Variants in MYOM3 observed in about 807,000 individuals in gnomAD.
The protein encoded by MYOM3 is myomesin-3.
In MYOM3, 155 loss-of-function variants were observed where a neutral mutation model predicts 191.7. The ratio of observed to expected loss-of-function variants is 0.81; its 90% confidence interval spans 0.71 to 0.92. The LOEUF (loss-of-function observed/expected upper bound fraction) is 0.92. Among genes scored for constraint, MYOM3 ranks in the 40% least tolerant of loss-of-function variants. The pLI is 0.00. For synonymous variants in MYOM3, 757 were observed against 762.9 expected, an observed-to-expected ratio of 0.99 and a Z score of 0.13; for missense variants, 1,889 against 1,890.6, an observed-to-expected ratio of 1.00 and a Z score of 0.02.
chr1:24,098,744 G>A (rs1198049734), intron 6 of MYOM3, among the ~76,000 whole-genome samples: 3 of 152,180 alleles, frequency 2.0e-5, no homozygotes, highest in African/African-American at 7.2e-5. Flanking sequence ...GAGTCCATGG[G>A]GCACCTCCCT....
At chr1:24,105,218 A>G (rs1488887721) in intron 5 of MYOM3, among the ~76,000 whole-genome samples, 1 of 152,124 alleles carries the variant, frequency 6.6e-6, no homozygotes, top group Non-Finnish European at 1.5e-5. Flanking sequence ...TTAAATTCTC[A>G]TCACATGCAG....
At chr1:24,108,381 G>T in intron 2 of MYOM3, 95 bp downstream of exon 2, 3 of 1,316,688 alleles carry the variant, frequency 2.3e-6, no homozygotes, top group African/African-American at 1.5e-5. Flanking sequence ...CCCCCATCAG[G>T]TTGGAGCCTC....
intron 5 of MYOM3, among the ~76,000 whole-genome samples, chr1:24,101,130 T>C (rs1481538834): frequency 6.6e-6 from 1 of 152,050 alleles, no homozygotes; most frequent in East Asian, 1.9e-4. Context: ...GATGACACCC[T>C]TTGCCCCCTT....
chr1:24,067,071 G>A lies in MYOM3; in HGVS notation c.3373C>T (p.Pro1125Ser). 1 of 1,578,380 alleles carries A rather than the reference G, an allele frequency of 6.3e-7. No homozygotes were observed. The highest frequency in any genetic ancestry group is 1.8e-5 in the Admixed American group (1 of 56,120). ...TCCTCCGTGACCTTCCACTGCAACG[G>A]CCGCTCAAAATAGGGACCTGTGCGT... ...KRKQGPYFER[P>S]LQWKVTEDCQ... Residue 1125 changes from proline (P) to serine (S), a missense_variant, in exon 28 of 37, where the codon CCG (proline) becomes TCG (serine). Pro to Ser is a moderately conservative substitution (Grantham distance 74). Transcript: ENST00000374434.
intron 12 of MYOM3, among the ~76,000 whole-genome samples, 188 bp downstream of exon 12, chr1:24,090,609 C>T (rs559019031): frequency 2.6e-4 from 39 of 152,124 alleles, no homozygotes; most frequent in Non-Finnish European, 5.4e-4. Context: ...TGTGTCTCCT[C>T]CATCAGACTG....
At chr1:24,107,434 T>C (rs1421812968) in intron 3 of MYOM3, among the ~76,000 whole-genome samples, 1 of 152,244 alleles carries the variant, frequency 6.6e-6, no homozygotes, top group South Asian at 2.1e-4. Flanking sequence ...ACTGTTTTCA[T>C]TGTTTTCAAG....
At chr1:24,097,816 C>T in intron 7 of MYOM3, 107 bp downstream of exon 7, 1 of 818,476 alleles carries the variant, frequency 1.2e-6, no homozygotes, top group Non-Finnish European at 2.2e-6. Context: ...GGCTGAACAG[C>T]CTTGTGCCTA....
At chr1:24,084,807 G>A (rs551171927) in intron 15 of MYOM3, among the ~76,000 whole-genome samples, 168 bp from the exon 16 acceptor site, 1 of 152,074 alleles carries the variant, frequency 6.6e-6, no homozygotes, top group South Asian at 2.1e-4. Context: ...AGGCCCAGAA[G>A]TGTATCCTAA....
Position 24,089,551 on chromosome 1 carries a change from T to TA in MYOM3, c.1600dup (p.Tyr534LeufsTer10). ...GGGGTTCCCTACCTTCTCCAGGGAG[T>TA]ACGTCAGTGGTGCTCTGTCCCGGGG... On this transcript the variant is annotated frameshift_variant, in exon 14 of 37. Transcript: ENST00000374434. LOFTEE classifies it high-confidence loss of function. The TA allele has an allele frequency of 6.2e-7, 1 of 1,600,090 alleles. No individual in the cohort carries two copies.
At chr1:24,065,809 T>C in intron 29 of MYOM3, 82 bp downstream of exon 29, 1 of 1,080,072 alleles carries the variant, frequency 9.3e-7, no homozygotes, top group Non-Finnish European at 1.4e-6. Flanking sequence ...GGCCCTGCCC[T>C]GACTCCCAGC....
Position 24,067,050 on chromosome 1 carries a change from C to T in MYOM3, c.3394G>A (p.Glu1132Lys). 1 of 1,578,276 alleles carries T rather than the reference C, an allele frequency of 6.3e-7. No homozygotes were observed. The highest frequency in any genetic ancestry group is 2.3e-5 in the East Asian group (1 of 43,210). Residue 1132 changes from glutamate (E) to lysine (K), a missense_variant, in exon 28 of 37, where the codon GAG (glutamate) becomes AAG (lysine). Glu to Lys is a moderately conservative substitution (Grantham distance 56). Transcript: ENST00000374434. ...FERPLQWKVT[E>K]DCQVQLTCKV... ...CACGTCAGCTGCACTTGGCAGTCCT[C>T]CGTGACCTTCCACTGCAACGGCCGC...
chr1:24,070,983 G>T, intron 25 of MYOM3, 134 bp downstream of exon 25: 1 of 1,176,460 alleles, frequency 8.5e-7, no homozygotes, highest in Non-Finnish European at 1.2e-6. Context: ...CCTCATCACT[G>T]CAACAGCAAA....
intron 27 of MYOM3, 79 bp downstream of exon 27, chr1:24,067,891 T>A: frequency 8.5e-6 from 12 of 1,417,708 alleles, no homozygotes; most frequent in Non-Finnish European, 1.2e-5. Flanking sequence ...AGGGCTGGGG[T>A]TCCCATTAAT....
chr1:24,081,943 C>T (rs1471930084), intron 18 of MYOM3, 58 bp downstream of exon 18: 18 of 1,473,874 alleles, frequency 1.2e-5, no homozygotes, highest in Non-Finnish European at 1.6e-5. Flanking sequence ...TCAAGCAGTG[C>T]CCTCTGGTCG....
rs770919641 is a variant in MYOM3 at position 24,061,974 on chromosome 1, C to T, written c.3906G>A (p.Arg1302=). The change falls in exon 33 of 37, where the codon CGG becomes CGA. Residue 1302 remains arginine, a synonymous_variant. Transcript: ENST00000374434. ...TLEIAAGKEV[R]QLSTDLSGQA... is the part of the protein sequence containing the mutation. ...GCCCTGAGAGATCTGTTGAGAGCTG[C>T]CGGACTTCCTTCCCTGCAGCTATTT... 1 of 1,614,204 alleles carries T rather than the reference C, an allele frequency of 6.2e-7. No individual in the cohort carries two copies. The highest frequency in any genetic ancestry group is 8.5e-7 in the Non-Finnish European group (1 of 1,180,030).
At chr1:24,106,361 G>C (rs554427165) in intron 4 of MYOM3, among the ~76,000 whole-genome samples, 6 of 152,162 alleles carry the variant, frequency 3.9e-5, no homozygotes, top group Non-Finnish European at 8.8e-5. Flanking sequence ...ACCCACTGTG[G>C]GGGTGTGGGG....
At chr1:24,078,641 CTTCCCCTT>C (rs1350123659) in intron 20 of MYOM3, among the ~76,000 whole-genome samples, 2 of 152,202 alleles carry the variant, frequency 1.3e-5, no homozygotes, top group Non-Finnish European at 2.9e-5. Flanking sequence ...TGGAGAAATA[CTTCCCCTT>C]TTCCTAGGGC....
chr1:24,099,651 C>T (rs1286706100), intron 6 of MYOM3, 29 bp downstream of exon 6: 2 of 1,571,394 alleles, frequency 1.3e-6, no homozygotes, highest in Admixed American at 1.7e-5. Context: ...GGTCTGGGGT[C>T]ATAGGTCTCT....
intron 23 of MYOM3, among the ~76,000 whole-genome samples, chr1:24,073,359 C>A (rs533954860): frequency 6.6e-6 from 1 of 152,164 alleles, no homozygotes; most frequent in Non-Finnish European, 1.5e-5. Flanking sequence ...CTGTTGTGAG[C>A]ACAGGCTTTG....
Sources: allele counts gnomAD v4.1 joint callset (sites outside exome capture counted in the v4.1 genomes callset), GRCh38; gene constraint gnomAD v4.1.1; transcripts MANE v1.5; gene names NCBI Gene and HGNC (gene_info 2026-07-23, HGNC 2026-07-21).